The following DOCK3 variants were observed in gnomAD, a reference collection of about 807,000 sequenced individuals.
DOCK3 encodes dedicator of cytokinesis 3, also known as dedicator of cytokinesis protein 3.
DOCK3 carries 60 observed loss-of-function variants against 265.6 expected under a neutral mutation model. The observed-to-expected ratio is 0.23, with a 90% CI of 0.18 to 0.28. DOCK3 has a LOEUF of 0.28. Among genes scored for constraint, DOCK3 ranks in the 10% least tolerant of loss-of-function variants. The probability of loss-of-function intolerance (pLI) is 1.00; values close to 1 mark genes in which losing one functional copy is unlikely to be tolerated. For missense variants in DOCK3, 1,981 were observed against 2,594.3 expected (o/e 0.76, Z 5.14); for synonymous variants, 881 against 938.0 (o/e 0.94, Z 1.11).
intron 5 of DOCK3, among the ~76,000 whole-genome samples, chr3:50,981,178 T>C (rs1394474447): frequency 6.6e-6 from 1 of 152,216 alleles, no homozygotes; most frequent in Non-Finnish European, 1.5e-5. Context: ...TTCAAGAAAG[T>C]TTATTTTTCA....
intron 5 of DOCK3, among the ~76,000 whole-genome samples, chr3:51,052,835 T>C (rs1164909568): frequency 2.0e-5 from 3 of 151,962 alleles, no homozygotes; most frequent in Non-Finnish European, 4.4e-5. Flanking sequence ...TGGAATGTGT[T>C]TCATTTCTCA....
intron 1 of DOCK3, among the ~76,000 whole-genome samples, chr3:50,765,421 G>A (rs2040816093): frequency 6.6e-6 from 1 of 151,998 alleles, no homozygotes; most frequent in Non-Finnish European, 1.5e-5. Flanking sequence ...AGACACAGTA[G>A]GGAACAGAGC....
At chr3:51,183,483 G>T (rs775697540) in intron 12 of DOCK3, among the ~76,000 whole-genome samples, 4 of 152,100 alleles carry the variant, frequency 2.6e-5, no homozygotes, top group Non-Finnish European at 5.9e-5. Flanking sequence ...GTACATCAGG[G>T]AGCTGAGACT....
chr3:51,139,648 G>C (rs1240433484), intron 9 of DOCK3, among the ~76,000 whole-genome samples: 5 of 152,202 alleles, frequency 3.3e-5, no homozygotes, highest in Non-Finnish European at 7.3e-5. Flanking sequence ...TCTTGTGTAA[G>C]AGAAAGACAA....
At chr3:50,866,095 G>T (rs1479816104) in intron 3 of DOCK3, among the ~76,000 whole-genome samples, 2 of 152,132 alleles carry the variant, frequency 1.3e-5, no homozygotes, top group East Asian at 3.9e-4. Flanking sequence ...TCATTTCGTT[G>T]ATTGTTTCCT....
chr3:51,312,156 CT>C lies in DOCK3; in HGVS notation c.3093+80del. ...CAAAACCAAGCTCACTTGTTTTTTG[CT>C]TTATTAATAGATTCATAGTATCAAA... On this transcript the variant is annotated intron_variant, in intron 29 of 52. Transcript: ENST00000266037. 2.3e-6 allele frequency: 3 copies of C among 1,316,560 alleles called. No homozygotes were observed. In the South Asian group the frequency reaches 3.8e-5, roughly 17 times the overall value. The allele number at this position is 1,316,560 out of a possible 1,614,324, so 81.6% of individuals were successfully genotyped here.
chr3:50,979,313 G>A (rs1334537232), intron 5 of DOCK3, among the ~76,000 whole-genome samples: 1 of 152,146 alleles, frequency 6.6e-6, no homozygotes, highest in East Asian at 1.9e-4. Flanking sequence ...ATGGGATTGT[G>A]ATATAGTTCA....
chr3:51,173,316 A>G (rs779997615), intron 12 of DOCK3, among the ~76,000 whole-genome samples: 1 of 152,056 alleles, frequency 6.6e-6, no homozygotes, highest in Non-Finnish European at 1.5e-5. Flanking sequence ...AGACTGGGTC[A>G]TATACCATGT....
At chr3:50,924,127 A>C (rs1464639362) in intron 4 of DOCK3, among the ~76,000 whole-genome samples, 2 of 152,198 alleles carry the variant, frequency 1.3e-5, no homozygotes, top group Non-Finnish European at 2.9e-5. Context: ...TTTCCCTTGA[A>C]TTCTAAATTA....
Position 50,857,938 on chromosome 3 carries a change from A to G in DOCK3, c.162+16223A>G, listed in dbSNP as rs1175831677. On this transcript the variant is annotated intron_variant, in intron 3 of 52. Transcript: ENST00000266037. Reference sequence around the variant, plus strand: ...TAATCCCATTACTGGGTGTATACCCAAAGGATTATAAATCATGCTGCTATA... The same window carrying G: ...TAATCCCATTACTGGGTGTATACCCGAAGGATTATAAATCATGCTGCTATA... Among the ~76,000 whole-genome samples, 3 of 152,252 alleles carry G rather than the reference A, an allele frequency of 2.0e-5. No individual in the cohort carries two copies. The East Asian group carries it at 5.8e-4, about 29-fold the overall frequency.
intron 27 of DOCK3, among the ~76,000 whole-genome samples, chr3:51,303,156 A>G (rs951450767): frequency 2.6e-5 from 4 of 151,976 alleles, no homozygotes; most frequent in African/African-American, 9.7e-5. Context: ...TATTTCAGCA[A>G]GATAGTCTTC....
intron 24 of DOCK3, 80 bp downstream of exon 24, chr3:51,271,087 T>A: frequency 6.9e-7 from 1 of 1,440,386 alleles, no homozygotes; most frequent in Non-Finnish European, 9.4e-7. Flanking sequence ...AAAGTGATAA[T>A]CAAAGGATCA....
chr3:51,110,013 C>A (rs1339645000), intron 9 of DOCK3, among the ~76,000 whole-genome samples: 1 of 151,838 alleles, frequency 6.6e-6, no homozygotes, highest in Non-Finnish European at 1.5e-5. Context: ...CAGGTAACAA[C>A]CAGAGAGTAT....
At chr3:51,160,159 C>T (rs559706125) in intron 11 of DOCK3, among the ~76,000 whole-genome samples, 199 of 152,344 alleles carry the variant, frequency 1.3e-3, no homozygotes, top group Non-Finnish European at 2.3e-3. Flanking sequence ...TCCTCCTTGT[C>T]TGTGCATATG....
At chr3:50,797,599 G>A (rs1454620861) in intron 2 of DOCK3, among the ~76,000 whole-genome samples, 3 of 152,176 alleles carry the variant, frequency 2.0e-5, no homozygotes, top group South Asian at 4.1e-4. Flanking sequence ...AGGCACCTCC[G>A]TACTGTTCTC....
intron 27 of DOCK3, among the ~76,000 whole-genome samples, chr3:51,305,735 C>CGT (rs113288288): frequency 7.9e-4 from 109 of 137,754 alleles, no homozygotes; most frequent in South Asian, 7.8e-3. Context: ...TGTGTGTGCG[C>CGT]GTGTGTGTGT....
At position 51,260,146 on chromosome 3, in the gene DOCK3, C is replaced by T. The variant is rs1469908916; in HGVS notation, c.2185-10C>T. On this transcript the variant is annotated splice_polypyrimidine_tract_variant and intron_variant, in intron 22 of 52. Coordinates refer to ENST00000266037, the MANE Select transcript of DOCK3 (RefSeq NM_004947.5). ...CATCTCTCCATCACTTTTTCTCCCA[C>T]ACTTTTCAGGCCTTGGAGTACCTTT... 11 of 1,608,896 alleles carry T rather than the reference C, an allele frequency of 6.8e-6. No individual in the cohort carries two copies. Among genetic ancestry groups the T allele is most frequent in the East Asian group, 2.2e-5 (1 of 44,724 alleles).
chr3:50,736,775 C>A (rs1338103737), intron 1 of DOCK3, among the ~76,000 whole-genome samples: 1 of 150,322 alleles, frequency 6.7e-6, no homozygotes, highest in Non-Finnish European at 1.5e-5. Flanking sequence ...CGGCTCACTG[C>A]AAGCTCCGCC....
intron 46 of DOCK3, 113 bp downstream of exon 46, chr3:51,358,190 G>T: frequency 9.4e-7 from 1 of 1,062,328 alleles, no homozygotes; most frequent in Non-Finnish European, 1.4e-6. Context: ...CAGGGGCCGG[G>T]GTTGGGGAGA....
Sources: allele counts gnomAD v4.1 joint callset (sites outside exome capture counted in the v4.1 genomes callset), GRCh38; gene constraint gnomAD v4.1.1; transcripts MANE v1.5; gene names NCBI Gene and HGNC (gene_info 2026-07-23, HGNC 2026-07-21).